SLC35F4: variants seen among roughly 807,000 people sequenced by gnomAD.
SLC35F4 encodes chromosome 14 open reading frame 36.
SLC35F4 carries 24 observed loss-of-function variants against 44.2 expected under a neutral mutation model. The ratio of observed to expected loss-of-function variants is 0.54; its 90% confidence interval spans 0.39 to 0.76. The LOEUF is 0.76. Among genes scored for constraint, SLC35F4 ranks in the 30% least tolerant of loss-of-function variants. SLC35F4 has a pLI of 0.00. For synonymous variants in SLC35F4, 238 were observed against 223.6 expected (o/e 1.06, Z -0.57); for missense variants, 562 against 586.1 (o/e 0.96, Z 0.42).
Position 57,962,442 on chromosome 14 carries a change from C to T in SLC35F4, n.282+19471G>A, listed in dbSNP as rs114872062. The stretch of plus-strand genomic sequence containing the variant: ...CCCATTAAGCCAGCAGTGGCTGCGG[C>T]GCAGATTCTCGGCCCTGCCTCAACC... On this transcript the variant is annotated intron_variant and non_coding_transcript_variant, in intron 1 of 1. Transcript: ENST00000556568. 5.8e-3 allele frequency among the ~76,000 whole-genome samples: 883 copies of T among 152,246 alleles called. 13 individuals are homozygous for T. Among genetic ancestry groups the T allele is most frequent in the African/African-American group, 0.02 (846 of 41,538 alleles).
At chr14:57,816,252 C>G (rs865780279) in intron 1 of SLC35F4, among the ~76,000 whole-genome samples, 1 of 152,080 alleles carries the variant, frequency 6.6e-6, no homozygotes, top group Non-Finnish European at 1.5e-5. Flanking sequence ...TGTTTTTCTT[C>G]TCATTAAACA....
chr14:57,616,390 T>A (rs2071828562), intron 1 of SLC35F4, among the ~76,000 whole-genome samples: 1 of 152,238 alleles, frequency 6.6e-6, no homozygotes, highest in Non-Finnish European at 1.5e-5. Context: ...TATATTAAAC[T>A]GTGATGATTA....
In SLC35F4 at chr14:57,969,141, A is replaced by G. The variant is rs566929615; in HGVS notation, n.282+12772T>C. Among the ~76,000 whole-genome samples, 6 of 152,370 alleles carry G rather than the reference A, an allele frequency of 3.9e-5. No individual in the cohort carries two copies. The South Asian group carries it at 1.2e-3, about 32-fold the overall frequency. On this transcript the variant is annotated intron_variant and non_coding_transcript_variant, in intron 1 of 1. Transcript: ENST00000556568. ...CAAATTTACTGGGCTGGTTAGCAGC[A>G]GTGATGATGGGAAATTTGGACCCTG...
chr14:57,887,051 G>A (rs1000411052), intron 1 of SLC35F4, among the ~76,000 whole-genome samples: 1 of 152,140 alleles, frequency 6.6e-6, no homozygotes. Context: ...CATTGCTAAA[G>A]GTCTGTATGC....
At chr14:57,600,289 A>T (rs990416338) in intron 1 of SLC35F4, among the ~76,000 whole-genome samples, 1 of 152,238 alleles carries the variant, frequency 6.6e-6, no homozygotes, top group Non-Finnish European at 1.5e-5. Context: ...AGATATTATA[A>T]TCACTAAAGA....
intron 1 of SLC35F4, among the ~76,000 whole-genome samples, chr14:57,778,639 A>G (rs541208794): frequency 6.6e-6 from 1 of 152,288 alleles, no homozygotes; most frequent in East Asian, 1.9e-4. Flanking sequence ...AGACATCTAC[A>G]GAACGATACA....
chr14:57,668,714 T>C (rs910753905), intron 1 of SLC35F4, among the ~76,000 whole-genome samples: 2 of 152,118 alleles, frequency 1.3e-5, no homozygotes, highest in African/African-American at 4.8e-5. Flanking sequence ...ACCAGTACCA[T>C]GCTGTTTGGT....
Position 57,647,747 on chromosome 14 carries a change from A to G in SLC35F4, c.104-53623T>C, listed in dbSNP as rs79612228. 4.1e-4 allele frequency among the ~76,000 whole-genome samples: 62 copies of G among 152,244 alleles called. No homozygotes were observed. The East Asian group carries it at 0.011, about 28-fold the overall frequency. On this transcript the variant is annotated intron_variant, in intron 1 of 7. Transcript: ENST00000556826. ...ATGCAGTTTTAGAAATAACCCTGCTAAGTCACTTTAACCAGAATCCTCATC... is the reference window on the plus strand; with the variant it reads ...ATGCAGTTTTAGAAATAACCCTGCTGAGTCACTTTAACCAGAATCCTCATC...
At chr14:57,880,332 G>A (rs1256518166) in intron 1 of SLC35F4, among the ~76,000 whole-genome samples, 1 of 152,104 alleles carries the variant, frequency 6.6e-6, no homozygotes, top group African/African-American at 2.4e-5. Context: ...GTGGAATAAG[G>A]ACTGAGGGCT....
chr14:57,801,507 A>G (rs1447677660), intron 1 of SLC35F4, among the ~76,000 whole-genome samples: 1 of 152,220 alleles, frequency 6.6e-6, no homozygotes, highest in African/African-American at 2.4e-5. Flanking sequence ...AGCACACATA[A>G]CAATACTAAC....
chr14:57,582,260 A>T (rs1452164212), intron 3 of SLC35F4, among the ~76,000 whole-genome samples: 2 of 151,854 alleles, frequency 1.3e-5, no homozygotes, highest in South Asian at 2.1e-4. Flanking sequence ...CGGTAGCATG[A>T]TCTTGGCTCA....
chr14:57,876,579 G>C (rs1888404179), intron 1 of SLC35F4, among the ~76,000 whole-genome samples: 1 of 152,140 alleles, frequency 6.6e-6, no homozygotes, highest in Non-Finnish European at 1.5e-5. Context: ...GTGAAAATAA[G>C]TTACTTCTTA....
rs2069219804 is a variant in SLC35F4 at position 57,581,102 on chromosome 14, C to G, written c.807+112G>C. ...TTCAGATTTCGGTTTGTACTCAGAACAAGTGAGAAAAGTTTTACAGCAACT... is the reference window on the plus strand; with the variant it reads ...TTCAGATTTCGGTTTGTACTCAGAAGAAGTGAGAAAAGTTTTACAGCAACT... On this transcript the variant is annotated intron_variant, in intron 4 of 7. Coordinates refer to ENST00000556826, the MANE Select transcript of SLC35F4 (RefSeq NM_001306087.2). 5 of 1,155,320 alleles carry G rather than the reference C, an allele frequency of 4.3e-6. No homozygotes were observed. The South Asian group carries it at 8.7e-5, about 20-fold the overall frequency. The allele number at this position is 1,155,320 out of a possible 1,614,324, so 71.6% of individuals were successfully genotyped here.
rs540665368 is a variant in SLC35F4 at position 57,579,513 on chromosome 14, A to G, written c.807+1701T>C. On this transcript the variant is annotated intron_variant, in intron 4 of 7. Transcript: ENST00000556826. ...ATACAACGGATTTTATTGCTGGTATATCTAATGGTGAAAATATGGATTTAA... is the reference window on the plus strand; with the variant it reads ...ATACAACGGATTTTATTGCTGGTATGTCTAATGGTGAAAATATGGATTTAA... 15 of 152,240 alleles carry G rather than the reference A, an allele frequency of 9.9e-5. No homozygotes were observed. In the South Asian group the frequency reaches 3.1e-3, roughly 32 times the overall value. 9.4% of individuals were successfully genotyped at this position (152,240 alleles called of 1,614,324 possible).
At chr14:57,690,917 C>T (rs1360195420) in intron 1 of SLC35F4, among the ~76,000 whole-genome samples, 1 of 152,080 alleles carries the variant, frequency 6.6e-6, no homozygotes, top group Non-Finnish European at 1.5e-5. Flanking sequence ...CTTGCTTGCC[C>T]GCTGCTCACC....
intron 4 of SLC35F4, among the ~76,000 whole-genome samples, chr14:57,577,410 C>A (rs957922711): frequency 2.0e-5 from 3 of 152,150 alleles, no homozygotes; most frequent in Admixed American, 6.5e-5. Flanking sequence ...GACACTAATG[C>A]ATTTCACAGT....
rs550196318 is a variant in SLC35F4 at position 57,824,494 on chromosome 14, G to T, written c.103+41229C>A. On this transcript the variant is annotated intron_variant, in intron 1 of 7. Coordinates refer to ENST00000556826, the MANE Select transcript of SLC35F4 (RefSeq NM_001306087.2). ...ATAGAAGATAGATGATTGATAAACA[G>T]ATGATAGAGACATGTAATATGTTTG... Among the ~76,000 whole-genome samples, 10 of 152,312 alleles carry T rather than the reference G, an allele frequency of 6.6e-5. No homozygotes were observed. The South Asian group carries it at 2.1e-3, about 32-fold the overall frequency.
At chr14:57,696,346 A>G (rs1012307198) in intron 1 of SLC35F4, among the ~76,000 whole-genome samples, 20 of 152,214 alleles carry the variant, frequency 1.3e-4, no homozygotes, top group Admixed American at 8.5e-4. Flanking sequence ...TTAGAGAAAC[A>G]CAAATCTAAA....
intron 1 of SLC35F4, among the ~76,000 whole-genome samples, chr14:57,638,219 G>A (rs1316576929): frequency 2.6e-5 from 4 of 152,086 alleles, no homozygotes; most frequent in African/African-American, 9.7e-5. Flanking sequence ...AGCTTTGATT[G>A]GTTAGGACTG....
Sources: gnomAD v4.1 joint callset for allele counts (sites outside exome capture counted in the v4.1 genomes callset) on GRCh38, gnomAD v4.1.1 for gene constraint, MANE v1.5 for transcripts, NCBI Gene and HGNC (gene_info 2026-07-23, HGNC 2026-07-21) for gene names.